BIN1: variants seen among roughly 807,000 people sequenced by gnomAD.
The protein encoded by BIN1 is bridging integrator 1.
In BIN1, 53 loss-of-function variants were observed where a neutral mutation model predicts 82.0. The observed-to-expected ratio is 0.65, with a 90% confidence interval of 0.52 to 0.81. The LOEUF is 0.81. BIN1 is among the 40% of genes least tolerant of loss of function. The pLI is 0.00. For synonymous variants in BIN1, 302 were observed against 328.0 expected (o/e 0.92, Z 0.86); for missense variants, 642 against 784.4 (o/e 0.82, Z 2.17).
In BIN1 at chr2:127,058,972, G is replaced by A. The variant is rs528771693; in HGVS notation, c.1002+39C>T. ...CAACAGCAAAGCCGGAGGAGAAGGA[G>A]GGAGGGCAGGGGACCTGCTACCAAG... On this transcript the variant is annotated intron_variant, in intron 11 of 18. Coordinates refer to ENST00000316724, the MANE Select transcript of BIN1 (RefSeq NM_139343.3). The A allele has an allele frequency of 3.0e-4, 466 of 1,551,420 alleles. 2 individuals carry two copies. Among genetic ancestry groups the A allele is most frequent in the Non-Finnish European group, 3.7e-5 (43 of 1,147,096 alleles).
intron 2 of BIN1, among the ~76,000 whole-genome samples, chr2:127,071,869 G>T (rs1008954194): frequency 3.3e-5 from 5 of 152,232 alleles, no homozygotes; most frequent in African/African-American, 4.8e-5. Context: ...CTCAGATCCA[G>T]TGAGCTAGGC....
intron 1 of BIN1, among the ~76,000 whole-genome samples, chr2:127,106,401 A>C (rs530364500): frequency 2.6e-5 from 4 of 152,194 alleles, no homozygotes; most frequent in African/African-American, 9.6e-5. Context: ...AGTCCGGGGG[A>C]ATAGTGTCCC....
rs1241268507 is a variant in BIN1, at chr2:127,090,648, G to C, written c.85-13942C>G. ...TCAGTGGGGGAACAGCCTGTGCTGG[G>C]AGGAGCAGAGCACCAGCCCAGCCCC... On this transcript the variant is annotated intron_variant, in intron 1 of 18. Coordinates refer to ENST00000316724, the MANE Select transcript of BIN1 (RefSeq NM_139343.3). This position sits in a 1 kb window ranked among gnomAD's most constrained non-coding sequence, Gnocchi z 6.4. Among the ~76,000 whole-genome samples, 2 of 152,226 alleles carry C rather than the reference G, an allele frequency of 1.3e-5. No individual in the cohort carries two copies. The highest frequency in any genetic ancestry group is 2.9e-5 in the Non-Finnish European group (2 of 68,034).
chr2:127,075,785 C>T (rs1414265733), intron 2 of BIN1, among the ~76,000 whole-genome samples: 3 of 132,306 alleles, frequency 2.3e-5, no homozygotes, highest in African/African-American at 8.9e-5. Context: ...AGAATGCTCC[C>T]GGCCCTCCCA....
intron 7 of BIN1, among the ~76,000 whole-genome samples, chr2:127,065,945 C>G (rs1453490515): frequency 6.6e-6 from 1 of 152,214 alleles, no homozygotes. Context: ...TGCCCCCACC[C>G]CAGCTCCACT....
intron 2 of BIN1, among the ~76,000 whole-genome samples, chr2:127,076,204 C>T (rs1686583805): frequency 6.6e-6 from 1 of 152,156 alleles, no homozygotes; most frequent in South Asian, 2.1e-4. Context: ...CAGCCAGGCA[C>T]ACACCATGCT....
intron 1 of BIN1, among the ~76,000 whole-genome samples, chr2:127,103,113 T>A (rs563630920): frequency 6.6e-6 from 1 of 152,188 alleles, no homozygotes; most frequent in South Asian, 2.1e-4. Flanking sequence ...CTGGGTGGGC[T>A]CCCAGTGCCA....
chr2:127,098,544 C>T (rs988957175), intron 1 of BIN1, among the ~76,000 whole-genome samples: 8 of 152,094 alleles, frequency 5.3e-5, no homozygotes, highest in African/African-American at 1.4e-4. Context: ...CTCCAAGGCC[C>T]AACCACCCCA....
At chr2:127,072,514 C>A (rs1267085227) in intron 2 of BIN1, among the ~76,000 whole-genome samples, 11 of 152,252 alleles carry the variant, frequency 7.2e-5, no homozygotes, top group Non-Finnish European at 1.2e-4. Context: ...CCCTGAGAAC[C>A]CACAGATCTG....
chr2:127,060,034 C>T (rs145866486), intron 10 of BIN1, among the ~76,000 whole-genome samples: 9 of 152,202 alleles, frequency 5.9e-5, no homozygotes, highest in Admixed American at 5.9e-4. Context: ...GCTCAATAGC[C>T]CCATGGGGTA....
chr2:127,093,818 G>A lies in BIN1; in HGVS notation c.84+13042C>T, dbSNP rs562482046. ...GTTTCCGCCCCTGCCGCTCTCTCTG[G>A]ACAATCCCCTCCCCTTCCTTCCTTC... On this transcript the variant is annotated intron_variant, in intron 1 of 18. Coordinates refer to ENST00000316724, the MANE Select transcript of BIN1 (RefSeq NM_139343.3). The surrounding 1 kb of genome is among the most constrained non-coding windows in gnomAD (Gnocchi z 5.7). 7.6e-4 allele frequency among the ~76,000 whole-genome samples: 115 copies of A among 152,262 alleles called. No homozygotes were observed. Among genetic ancestry groups the A allele is most frequent in the South Asian group, 2.7e-3 (13 of 4,828 alleles).
chr2:127,060,711 T>C, intron 10 of BIN1: 1 of 1,587,378 alleles, frequency 6.3e-7, no homozygotes, highest in Admixed American at 1.7e-5. Context: ...GCCTGTCCCC[T>C]TCCCTCTTTG....
At chr2:127,070,352 G>A (rs566887839) in intron 4 of BIN1, among the ~76,000 whole-genome samples, 1 of 152,312 alleles carries the variant, frequency 6.6e-6, no homozygotes, top group East Asian at 1.9e-4. Context: ...GGACGACCAC[G>A]ACCCACCATC....
rs985782019 is a variant in BIN1, at chr2:127,067,946, T to C, written c.612+217A>G. ...TGCAGCCACGGAGCGGGCATAGCTA[T>C]GCCCCCACCCAGGTCACACAGAGCC... is the stretch of plus-strand genomic sequence containing the variant. On this transcript the variant is annotated intron_variant, in intron 7 of 18. Transcript: ENST00000316724. The surrounding 1 kb of genome is among the most constrained non-coding windows in gnomAD (Gnocchi z 4.7). Among the ~76,000 whole-genome samples, 3 of 152,140 alleles carry C rather than the reference T, an allele frequency of 2.0e-5. No homozygotes were observed. The highest frequency in any genetic ancestry group is 7.2e-5 in the African/African-American group (3 of 41,440).
chr2:127,060,263 T>C (rs1053699037), intron 10 of BIN1, among the ~76,000 whole-genome samples: 1 of 152,194 alleles, frequency 6.6e-6, no homozygotes, highest in East Asian at 1.9e-4. Flanking sequence ...AACCCCACAG[T>C]GCTGCAGTGT....
Position 127,053,445 on chromosome 2 carries a change from A to C in BIN1, c.1240T>G (p.Ser414Ala), listed in dbSNP as rs777951748. Reference sequence around the variant, plus strand: ...ACCTCCCAGAGGTCCCATGGAATTGACTGAGCGCAGCAGTGAGGGCGAGAA... The same window carrying C: ...ACCTCCCAGAGGTCCCATGGAATTGCCTGAGCGCAGCAGTGAGGGCGAGAA... Reference protein sequence around the residue: ...PVKAPTPSGQSIPWDLWEPTE... With the variant: ...PVKAPTPSGQAIPWDLWEPTE... Residue 414 changes from serine to alanine, a missense_variant and splice_region_variant, in exon 14 of 19, where the codon TCA (serine) becomes GCA (alanine). Transcript: ENST00000316724. The C allele has an allele frequency of 6.2e-6, 10 of 1,613,774 alleles. No homozygotes were observed. In the East Asian group the frequency reaches 2.2e-4, roughly 36 times the overall value.
At position 127,095,952 on chromosome 2, in the gene BIN1, G is replaced by C. The variant is rs1478207601; in HGVS notation, c.84+10908C>G. On this transcript the variant is annotated intron_variant, in intron 1 of 18. Coordinates refer to ENST00000316724, the MANE Select transcript of BIN1 (RefSeq NM_139343.3). ...AGGAGTCGGGAGTTCACCTTGTTTT[G>C]CTGAGAGAGGAGTCTCCCACTTCCC... 3.9e-5 allele frequency among the ~76,000 whole-genome samples: 6 copies of C among 152,180 alleles called. No individual in the cohort carries two copies. In the East Asian group the frequency reaches 1.2e-3, roughly 29 times the overall value.
chr2:127,085,059 G>A (rs1677953173), intron 1 of BIN1, among the ~76,000 whole-genome samples: 1 of 151,464 alleles, frequency 6.6e-6, no homozygotes, highest in African/African-American at 2.4e-5. Flanking sequence ...CCCCAGAGCT[G>A]CTGCTTCACC....
At chr2:127,051,284 G>A (rs780693931) in intron 15 of BIN1, 41 bp from the exon 16 acceptor site, 1 of 1,602,472 alleles carries the variant, frequency 6.2e-7, no homozygotes, top group Admixed American at 1.7e-5. Flanking sequence ...CACAGGACAG[G>A]ACACAGCCAG....
Sources: allele counts gnomAD v4.1 joint callset (sites outside exome capture counted in the v4.1 genomes callset), GRCh38; gene constraint gnomAD v4.1.1; non-coding constraint Gnocchi (gnomAD v3.1); transcripts MANE v1.5; gene names NCBI Gene and HGNC (gene_info 2026-07-23, HGNC 2026-07-21).